The following TCF20 variants were observed in gnomAD, a reference collection of about 807,000 sequenced individuals.
The protein encoded by TCF20 is transcription factor 20.
Under a neutral mutation model 148.6 loss-of-function variants are expected in TCF20, and 3 were observed. The observed-to-expected ratio is 0.02, with a 90% confidence interval of 0.01 to 0.05. TCF20 has a LOEUF of 0.05. Ranked by LOEUF, TCF20 falls within the 10% of genes least tolerant of loss-of-function variation. The probability of loss-of-function intolerance (pLI) is 1.00; values close to 1 mark genes in which losing one functional copy is unlikely to be tolerated. For missense variants in TCF20, 2,350 were observed against 2,429.3 expected (o/e 0.97, Z 0.69); for synonymous variants, 1,049 against 909.5 (o/e 1.15, Z -2.76).
intron 1 of TCF20, among the ~76,000 whole-genome samples, chr22:42,303,727 G>A (rs746368329): frequency 2.0e-5 from 3 of 152,296 alleles, no homozygotes; most frequent in Non-Finnish European, 4.4e-5. Flanking sequence ...GTCTGCGGAT[G>A]GCAGGGGAGT....
chr22:42,311,346 G>A (rs1302271404), intron 1 of TCF20, among the ~76,000 whole-genome samples: 1 of 152,250 alleles, frequency 6.6e-6, no homozygotes, highest in Admixed American at 6.5e-5. Flanking sequence ...GAGGGGCACT[G>A]AATGGTGTGT....
intron 1 of TCF20, among the ~76,000 whole-genome samples, chr22:42,248,390 T>C (rs1925093212): frequency 6.6e-6 from 1 of 152,232 alleles, no homozygotes; most frequent in African/African-American, 2.4e-5. Context: ...TCAGTCTGTT[T>C]CTTTATCCCC....
At chr22:42,235,642 G>C (rs139788843) in intron 1 of TCF20, among the ~76,000 whole-genome samples, 1 of 152,216 alleles carries the variant, frequency 6.6e-6, no homozygotes, top group East Asian at 1.9e-4. Flanking sequence ...TCATCTGTTG[G>C]AAAAAGTACT....
intron 1 of TCF20, among the ~76,000 whole-genome samples, chr22:42,304,581 G>C (rs1205320607): frequency 6.6e-6 from 1 of 152,282 alleles, no homozygotes; most frequent in African/African-American, 2.4e-5. Context: ...GGAGGTACAG[G>C]GTAGCAAGTC....
Position 42,212,354 on chromosome 22 carries a change from T to A in TCF20, c.2952A>T (p.Arg984Ser), listed in dbSNP as rs1569148792. The A allele has an allele frequency of 6.2e-7, 1 of 1,614,186 alleles. No homozygotes were observed. The highest frequency in any genetic ancestry group is 8.5e-7 in the Non-Finnish European group (1 of 1,180,016). ...SLSDYGPQDS[R>S]PTPMRRVPGR... is the part of the protein sequence containing the mutation. ...CAGGGACCCGCCGCATTGGCGTGGG[T>A]CTGCTGTCTTGCGGGCCATAGTCTG... Residue 984 changes from arginine to serine, a missense_variant, in exon 2 of 6, where the codon AGA (arginine) becomes AGT (serine). Around this residue, in one of 7 missense-constraint regions of TCF20, gnomAD observed 1,641 missense variants for 1,662.6 expected, o/e 0.99. Transcript: ENST00000677622.
intron 1 of TCF20, among the ~76,000 whole-genome samples, chr22:42,296,489 T>C (rs544874251): frequency 4.6e-5 from 7 of 152,364 alleles, no homozygotes; most frequent in African/African-American, 1.7e-4. Context: ...CACCCAGCCC[T>C]GCCTGGAGTC....
In TCF20 at chr22:42,210,344, T is replaced by C. The variant is rs1790370380; in HGVS notation, c.4962A>G (p.Glu1654=). Residue 1654 remains glutamate, a synonymous_variant, in exon 2 of 6, where the codon GAA becomes GAG. Transcript: ENST00000677622. The surrounding 1 kb of genome is among the most constrained non-coding windows in gnomAD (Gnocchi z 4.7). ...GAVCTIINAE[E]EEQTKLVRGR... ...CCCTCACTAATTTGGTCTGTTCTTCTTCCTCAGCATTGATGATTGTACAAA... is the reference window on the plus strand; with the variant it reads ...CCCTCACTAATTTGGTCTGTTCTTCCTCCTCAGCATTGATGATTGTACAAA... The C allele has an allele frequency of 6.2e-7, 1 of 1,614,220 alleles. No individual in the cohort carries two copies. Among genetic ancestry groups the C allele is most frequent in the South Asian group, 1.1e-5 (1 of 91,090 alleles).
At chr22:42,199,399 T>G (rs1006238115) in intron 2 of TCF20, among the ~76,000 whole-genome samples, 2 of 152,132 alleles carry the variant, frequency 1.3e-5, no homozygotes, top group Non-Finnish European at 2.9e-5. Flanking sequence ...TAGCCTCAAT[T>G]CAGTGCATAA....
intron 1 of TCF20, among the ~76,000 whole-genome samples, chr22:42,283,238 C>T (rs1926946566): frequency 6.6e-6 from 1 of 152,230 alleles, no homozygotes; most frequent in Non-Finnish European, 1.5e-5. Context: ...CTTTGTCCCG[C>T]ATCACCACTG....
At chr22:42,221,888 A>G (rs963940193) in intron 1 of TCF20, among the ~76,000 whole-genome samples, 2 of 151,608 alleles carry the variant, frequency 1.3e-5, no homozygotes, top group Admixed American at 6.6e-5. Flanking sequence ...ACAGGCGCCC[A>G]CCACCGTGCC....
intron 1 of TCF20, among the ~76,000 whole-genome samples, chr22:42,329,144 T>C (rs1927926123): frequency 6.6e-6 from 1 of 152,130 alleles, no homozygotes; most frequent in Non-Finnish European, 1.5e-5. Flanking sequence ...TAAACCATTC[T>C]CTTCCAGGGC....
chr22:42,200,326 C>A (rs565828800), intron 2 of TCF20, among the ~76,000 whole-genome samples: 8 of 152,102 alleles, frequency 5.3e-5, no homozygotes, highest in Non-Finnish European at 1.0e-4. Context: ...CTTTCCCAAA[C>A]CTGCTGCATC....
chr22:42,258,268 C>T (rs1010806954), intron 1 of TCF20, among the ~76,000 whole-genome samples: 1 of 152,022 alleles, frequency 6.6e-6, no homozygotes, highest in African/African-American at 2.4e-5. Context: ...CCATACCTCC[C>T]CCCCCTTCCC....
At chr22:42,266,395 G>T (rs777251179) in intron 1 of TCF20, among the ~76,000 whole-genome samples, 4 of 152,154 alleles carry the variant, frequency 2.6e-5, no homozygotes, top group Non-Finnish European at 1.5e-5. Context: ...ATGAAAGGTA[G>T]GTTGGACTCA....
chr22:42,186,572 T>G (rs1937057714), intron 2 of TCF20, among the ~76,000 whole-genome samples: 1 of 152,232 alleles, frequency 6.6e-6, no homozygotes, highest in South Asian at 2.1e-4. Context: ...CAATCTGCCT[T>G]AAACAAGCAG....
intron 2 of TCF20, among the ~76,000 whole-genome samples, chr22:42,204,299 A>G (rs574428025): frequency 6.6e-6 from 1 of 152,314 alleles, no homozygotes; most frequent in East Asian, 1.9e-4. Context: ...GTTCAAGGCC[A>G]GCTTGGCCAA....
intron 2 of TCF20, among the ~76,000 whole-genome samples, chr22:42,203,903 C>T (rs1410252439): frequency 6.6e-6 from 1 of 152,278 alleles, no homozygotes; most frequent in East Asian, 1.9e-4. Context: ...GAGCCTTCAC[C>T]AGGATGGGGG....
chr22:42,170,166 TA>T, intron 3 of TCF20, among the ~76,000 whole-genome samples: 1 of 151,726 alleles, frequency 6.6e-6, no homozygotes. Flanking sequence ...TACAAATGTA[TA>T]AATGTGCTAA....
intron 1 of TCF20, among the ~76,000 whole-genome samples, chr22:42,307,034 G>C (rs1231350834): frequency 3.8e-5 from 4 of 105,174 alleles, no homozygotes; most frequent in African/African-American, 1.6e-4. Flanking sequence ...GCAAGACTCT[G>C]TCTTAAAAAA....
Sources: allele counts gnomAD v4.1 joint callset (sites outside exome capture counted in the v4.1 genomes callset), GRCh38; gene constraint gnomAD v4.1.1; regional missense constraint gnomAD v4.1.1; non-coding constraint Gnocchi (gnomAD v3.1); transcripts MANE v1.5; gene names NCBI Gene and HGNC (gene_info 2026-07-23, HGNC 2026-07-21).